The following VPS54 variants were observed in gnomAD, a reference collection of about 807,000 sequenced individuals.
VPS54 encodes VPS54 subunit of GARP complex, also known as vacuolar protein sorting-associated protein 54.
In VPS54, 45 loss-of-function variants were observed where a neutral mutation model predicts 121.5. The ratio of observed to expected loss-of-function variants is 0.37; its 90% CI spans 0.29 to 0.47. VPS54 has a LOEUF of 0.47. VPS54 is among the 20% of genes least tolerant of loss of function. VPS54 has a pLI of 0.99. For synonymous variants in VPS54, 371 were observed against 385.8 expected, an observed-to-expected ratio of 0.96 and a Z score of 0.45; for missense variants, 1,090 against 1,131.4, an observed-to-expected ratio of 0.96 and a Z score of 0.52.
chr2:64,015,708 A>C (rs1056801653), intron 1 of VPS54, among the ~76,000 whole-genome samples: 3 of 152,202 alleles, frequency 2.0e-5, no homozygotes, highest in African/African-American at 7.2e-5. Flanking sequence ...TGGATATTTG[A>C]AAAAGGAAAC....
chr2:63,904,527 T>C (rs994861652), intron 20 of VPS54, among the ~76,000 whole-genome samples: 11 of 135,146 alleles, frequency 8.1e-5, no homozygotes, highest in African/African-American at 1.7e-4. Flanking sequence ...TATCCAGCAA[T>C]AGAACTTCAA....
At chr2:63,985,330 C>G (rs1435061617) in intron 1 of VPS54, among the ~76,000 whole-genome samples, 2 of 151,866 alleles carry the variant, frequency 1.3e-5, no homozygotes, top group Admixed American at 1.3e-4. Context: ...AACAAACAAA[C>G]AATAAATAAA....
At chr2:63,936,063 C>CAT (rs2104492416) in intron 11 of VPS54, among the ~76,000 whole-genome samples, 1 of 152,262 alleles carries the variant, frequency 6.6e-6, no homozygotes, top group African/African-American at 2.4e-5. Flanking sequence ...AAGACAAAAC[C>CAT]ATGCATGAAG....
At chr2:63,926,929 G>C (rs989043143) in intron 12 of VPS54, among the ~76,000 whole-genome samples, 13 of 152,206 alleles carry the variant, frequency 8.5e-5, no homozygotes, top group African/African-American at 2.9e-4. Context: ...GAGCTTGGTG[G>C]GGGGAGAGGC....
intron 1 of VPS54, among the ~76,000 whole-genome samples, chr2:64,017,203 T>C (rs1426938535): frequency 1.3e-5 from 2 of 151,168 alleles, no homozygotes; most frequent in Non-Finnish European, 3.0e-5. Flanking sequence ...CAGCCAGGCG[T>C]GGGGGCGCCT....
intron 3 of VPS54, 46 bp downstream of exon 3, chr2:63,981,600 T>C (rs1676803793): frequency 1.3e-6 from 2 of 1,510,198 alleles, no homozygotes; most frequent in African/African-American, 1.4e-5. Flanking sequence ...TAAAAATATT[T>C]CTATTACTTT....
intron 12 of VPS54, among the ~76,000 whole-genome samples, chr2:63,930,498 T>C (rs918438404): frequency 2.0e-5 from 3 of 152,178 alleles, no homozygotes; most frequent in South Asian, 2.1e-4. Context: ...AAACTAGGTA[T>C]TGATGGAACA....
chr2:63,902,688 GC>G (rs1218194498), intron 20 of VPS54, among the ~76,000 whole-genome samples: 4 of 152,188 alleles, frequency 2.6e-5, no homozygotes, highest in African/African-American at 9.7e-5. Flanking sequence ...AACTGATTAG[GC>G]CGGGCACAGT....
chr2:64,017,154 AT>A (rs1488322660), intron 1 of VPS54, among the ~76,000 whole-genome samples: 1 of 151,648 alleles, frequency 6.6e-6, no homozygotes, highest in Non-Finnish European at 1.5e-5. Context: ...AGCCTGGCTA[AT>A]ATGGTGAAAC....
At chr2:63,936,893 T>C (rs932661643) in intron 11 of VPS54, among the ~76,000 whole-genome samples, 23 of 152,272 alleles carry the variant, frequency 1.5e-4, no homozygotes, top group Middle Eastern at 3.4e-3. Context: ...GACCATTCAA[T>C]GCAGAAAGGT....
At chr2:63,921,433 T>C (rs1224207267) in intron 12 of VPS54, 98 bp from the exon 13 acceptor site, 1 of 1,373,306 alleles carries the variant, frequency 7.3e-7, no homozygotes, top group African/African-American at 1.4e-5. Flanking sequence ...GCTGTAAAAT[T>C]CACATTTGAA....
chr2:63,915,440 G>A (rs921770746), intron 16 of VPS54, among the ~76,000 whole-genome samples: 1 of 152,104 alleles, frequency 6.6e-6, no homozygotes, highest in African/African-American at 2.4e-5. Context: ...ATGCATACTG[G>A]TCTCTATGCT....
At chr2:63,988,450 C>T (rs914615398) in intron 1 of VPS54, among the ~76,000 whole-genome samples, 6 of 152,020 alleles carry the variant, frequency 3.9e-5, no homozygotes, top group South Asian at 2.1e-4. Flanking sequence ...ATATGTGTTG[C>T]GGGAAGTCAG....
rs1672280386 is a variant in VPS54, at chr2:63,892,874, C to A, written c.*556G>T. 6.5e-6 allele frequency: 1 copy of A among 153,096 alleles called. No individual in the cohort carries two copies. Among genetic ancestry groups the A allele is most frequent in the African/African-American group, 2.4e-5 (1 of 41,416 alleles). The allele number at this position is 153,096 out of a possible 1,614,324, so 9.5% of individuals were successfully genotyped here. A position where few individuals can be genotyped will look rare whatever the true frequency, so the allele number is the denominator to read the frequency against. On this transcript the variant is annotated 3_prime_UTR_variant, in exon 23 of 23. Coordinates refer to ENST00000272322, the MANE Select transcript of VPS54 (RefSeq NM_016516.3). The stretch of plus-strand genomic sequence containing the variant: ...ACAAAGCCTGCAACTTGACATTGGT[C>A]ACTGAAACAAAAATTGAATTCCTAA...
intron 7 of VPS54, among the ~76,000 whole-genome samples, chr2:63,954,234 A>G (rs1053767166): frequency 6.6e-6 from 1 of 152,182 alleles, no homozygotes; most frequent in Non-Finnish European, 1.5e-5. Flanking sequence ...GTCAATAACT[A>G]CTTAGGAAAT....
intron 1 of VPS54, among the ~76,000 whole-genome samples, chr2:64,001,014 C>T (rs1197173724): frequency 6.6e-6 from 1 of 152,198 alleles, no homozygotes; most frequent in African/African-American, 2.4e-5. Flanking sequence ...TCTCCAGGAG[C>T]TAGGAATCAG....
At chr2:63,998,979 C>T (rs1677742834) in intron 1 of VPS54, among the ~76,000 whole-genome samples, 1 of 152,098 alleles carries the variant, frequency 6.6e-6, no homozygotes, top group Non-Finnish European at 1.5e-5. Flanking sequence ...CAGAGTCTCA[C>T]TCTGTCACCC....
intron 11 of VPS54, among the ~76,000 whole-genome samples, chr2:63,941,783 C>G (rs560446749): frequency 6.6e-6 from 1 of 152,216 alleles, no homozygotes; most frequent in South Asian, 2.1e-4. Flanking sequence ...ACCTATATCT[C>G]AGCACTTTGG....
intron 1 of VPS54, among the ~76,000 whole-genome samples, chr2:63,985,795 A>G (rs1670710747): frequency 1.3e-5 from 2 of 152,172 alleles, no homozygotes; most frequent in Admixed American, 6.5e-5. Flanking sequence ...TCTGTGATGA[A>G]AATGCTATTT....
Sources: gnomAD v4.1 joint callset for allele counts (sites outside exome capture counted in the v4.1 genomes callset) on GRCh38, gnomAD v4.1.1 for gene constraint, MANE v1.5 for transcripts, NCBI Gene and HGNC (gene_info 2026-07-23, HGNC 2026-07-21) for gene names.